CERS6: variants seen among roughly 807,000 people sequenced by gnomAD.
The protein encoded by CERS6 is LAG1 homolog, ceramide synthase 6.
CERS6 carries 26 observed loss-of-function variants against 56.8 expected under a neutral mutation model. That is an observed-to-expected ratio of 0.46 (90% CI 0.34 to 0.63). The LOEUF (loss-of-function observed/expected upper bound fraction) is 0.63. Among genes scored for constraint, CERS6 ranks in the 30% least tolerant of loss-of-function variants. The pLI is 0.01. For synonymous variants in CERS6, 164 were observed against 173.3 expected, an observed-to-expected ratio of 0.95 and a Z score of 0.42; for missense variants, 415 against 467.5, an observed-to-expected ratio of 0.89 and a Z score of 1.04.
chr2:168,676,999 C>CTTTTTTTTTTTTTTTTGGGGTT (rs59600302), intron 4 of CERS6, among the ~76,000 whole-genome samples: 1 of 96,704 alleles, frequency 1.0e-5, no homozygotes, highest in African/African-American at 3.8e-5. Context: ...TTTTTTGGGG[C>CTTTTTTTTTTTTTTTTGGGGTT]TTTTTTTTTT....
intron 1 of CERS6, among the ~76,000 whole-genome samples, chr2:168,510,473 A>G (rs1694759676): frequency 6.6e-6 from 1 of 152,200 alleles, no homozygotes; most frequent in African/African-American, 2.4e-5. Context: ...TAGGAGTAAT[A>G]GGGCAGACCA....
chr2:168,600,248 A>G (rs1363315226), intron 3 of CERS6, among the ~76,000 whole-genome samples: 1 of 144,260 alleles, frequency 6.9e-6, no homozygotes, highest in Admixed American at 7.1e-5. Flanking sequence ...TCTGTCGCCC[A>G]GGCTGGAGTG....
intron 1 of CERS6, among the ~76,000 whole-genome samples, chr2:168,535,176 C>G (rs549154186): frequency 6.6e-6 from 1 of 152,312 alleles, no homozygotes; most frequent in African/African-American, 2.4e-5. Flanking sequence ...GGCTGCTGCC[C>G]CTCCCTTAAG....
intron 3 of CERS6, among the ~76,000 whole-genome samples, chr2:168,603,544 G>C (rs999767501): frequency 6.6e-6 from 1 of 152,144 alleles, no homozygotes; most frequent in African/African-American, 2.4e-5. Context: ...TAAACTGGCC[G>C]TACCAGATTT....
rs186281898 is a variant in CERS6 at position 168,487,832 on chromosome 2, T to C, written c.170+31214T>C. On this transcript the variant is annotated intron_variant, in intron 1 of 9. Transcript: ENST00000305747. The stretch of plus-strand genomic sequence containing the variant: ...AACTCCTGGGTTCAACCAGTCCTCC[T>C]GCCTCAGCCTCCAGGTAGCTGGGCG... Among the ~76,000 whole-genome samples the C allele has an allele frequency of 4.5e-3, 687 of 152,290 alleles. 21 individuals are homozygous for C. Among genetic ancestry groups the C allele is most frequent in the Non-Finnish European group, 9.3e-4 (63 of 68,010 alleles).
chr2:168,600,608 A>G (rs1025799893), intron 3 of CERS6, among the ~76,000 whole-genome samples: 2 of 152,120 alleles, frequency 1.3e-5, no homozygotes, highest in African/African-American at 2.4e-5. Context: ...CTGCAGTTCA[A>G]CCCCTTGGCA....
At chr2:168,624,311 CA>C (rs1221912637) in intron 3 of CERS6, among the ~76,000 whole-genome samples, 1 of 152,008 alleles carries the variant, frequency 6.6e-6, no homozygotes, top group African/African-American at 2.4e-5. Context: ...TATTTATAGT[CA>C]AAATAAGATT....
chr2:168,620,565 C>A (rs573368336), intron 3 of CERS6, among the ~76,000 whole-genome samples: 1 of 152,082 alleles, frequency 6.6e-6, no homozygotes, highest in East Asian at 1.9e-4. Context: ...GTATTTTAGT[C>A]CCCATTGTCA....
At chr2:168,705,355 A>C (rs568317036) in intron 6 of CERS6, among the ~76,000 whole-genome samples, 1 of 152,138 alleles carries the variant, frequency 6.6e-6, no homozygotes, top group African/African-American at 2.4e-5. Context: ...AAACGCAAGC[A>C]TCACAGCCAG....
intron 3 of CERS6, among the ~76,000 whole-genome samples, chr2:168,566,965 T>C (rs1375095907): frequency 2.6e-5 from 4 of 152,214 alleles, no homozygotes; most frequent in African/African-American, 9.6e-5. Context: ...CTCCTCATAA[T>C]GAATGCAGTT....
At chr2:168,482,239 T>C (rs903269737) in intron 1 of CERS6, among the ~76,000 whole-genome samples, 1 of 152,232 alleles carries the variant, frequency 6.6e-6, no homozygotes, top group Non-Finnish European at 1.5e-5. Flanking sequence ...TTGAAATGAA[T>C]TTAAATGCAT....
intron 3 of CERS6, among the ~76,000 whole-genome samples, chr2:168,584,725 A>G (rs771940857): frequency 6.6e-6 from 1 of 152,248 alleles, no homozygotes; most frequent in Non-Finnish European, 1.5e-5. Flanking sequence ...AGAGGTACTC[A>G]TTGGCAACTT....
chr2:168,530,925 G>A (rs10168363), intron 1 of CERS6, among the ~76,000 whole-genome samples: 151,317 of 152,348 alleles, frequency 0.99, 75,150 homozygotes, highest in East Asian at 1. Flanking sequence ...ATCGTTTTTA[G>A]CTACTACCAC....
chr2:168,720,236 A>G (rs142628747), intron 8 of CERS6, among the ~76,000 whole-genome samples: 2,310 of 152,138 alleles, frequency 0.015, 32 homozygotes, highest in South Asian at 0.04. Flanking sequence ...GGCCCAAAAT[A>G]CTATTTTAAC....
chr2:168,708,216 C>T (rs1313946355), intron 6 of CERS6, among the ~76,000 whole-genome samples: 2 of 152,122 alleles, frequency 1.3e-5, no homozygotes, highest in African/African-American at 4.8e-5. Flanking sequence ...CCATCTCCAT[C>T]TGTTTATTCA....
At chr2:168,566,658 G>T (rs550450638) in intron 3 of CERS6, among the ~76,000 whole-genome samples, 1 of 152,134 alleles carries the variant, frequency 6.6e-6, no homozygotes, top group Non-Finnish European at 1.5e-5. Context: ...CCTAATAATT[G>T]ATGACAGGGG....
intron 1 of CERS6, among the ~76,000 whole-genome samples, chr2:168,459,400 T>C (rs1558957277): frequency 1.3e-5 from 2 of 152,234 alleles, no homozygotes; most frequent in Non-Finnish European, 2.9e-5. Flanking sequence ...GTGTGGATAG[T>C]GGAGGCATTG....
intron 1 of CERS6, among the ~76,000 whole-genome samples, chr2:168,499,539 G>A (rs1478759071): frequency 6.6e-6 from 1 of 152,104 alleles, no homozygotes; most frequent in African/African-American, 2.4e-5. Context: ...TGTGTAGTTG[G>A]TACTTCTTGT....
intron 3 of CERS6, among the ~76,000 whole-genome samples, chr2:168,609,683 A>G (rs768390610): frequency 2.0e-5 from 3 of 152,090 alleles, no homozygotes; most frequent in Non-Finnish European, 4.4e-5. Flanking sequence ...AAGTCTTGAG[A>G]GGATTTGGAC....
Sources: allele counts gnomAD v4.1 joint callset (sites outside exome capture counted in the v4.1 genomes callset), GRCh38; gene constraint gnomAD v4.1.1; transcripts MANE v1.5; gene names NCBI Gene and HGNC (gene_info 2026-07-23, HGNC 2026-07-21).